The following FAM47E variants were observed in gnomAD, a reference collection of about 807,000 sequenced individuals.
The protein encoded by FAM47E is family with sequence similarity 47 member E, also known as protein FAM47E.
Under a neutral mutation model 41.6 loss-of-function variants are expected in FAM47E, and 32 were observed. The ratio of observed to expected loss-of-function variants is 0.77; its 90% CI spans 0.58 to 1.03. The LOEUF is 1.03. Among genes scored for constraint, FAM47E ranks in the 50% least tolerant of loss-of-function variants. The pLI, the probability that FAM47E is intolerant of heterozygous loss-of-function variation, is 0.00. For synonymous variants in FAM47E, 184 were observed against 188.7 expected (o/e 0.98, Z 0.20); for missense variants, 424 against 485.4 (o/e 0.87, Z 1.19).
At chr4:76,248,940 C>A (rs1438115658), upstream of FAM47E, among the ~76,000 whole-genome samples, 1 of 152,042 alleles carries the variant, frequency 6.6e-6, no homozygotes, top group Non-Finnish European at 1.5e-5. Flanking sequence ...CCATTTCATT[C>A]CCAAAAGGAT....
chr4:76,250,779 AACTC>A (rs1465619317), upstream of FAM47E, among the ~76,000 whole-genome samples: 2 of 152,184 alleles, frequency 1.3e-5, no homozygotes, highest in Non-Finnish European at 2.9e-5. Flanking sequence ...TCCATTAACT[AACTC>A]ACAACAGCTC....
In FAM47E at chr4:76,268,781, G is replaced by C; in HGVS notation, c.669+13G>C. 6.4e-7 allele frequency: 1 copy of C among 1,550,888 alleles called. No homozygotes were observed. The highest frequency in any genetic ancestry group is 8.7e-7 in the Non-Finnish European group (1 of 1,146,716). ...TCTTCATGAAAATGTATGCAAAGCA[G>C]TTAGTGACTTCTGCAAGTGGGTTAC... On this transcript the variant is annotated intron_variant, in intron 4 of 7. Coordinates refer to ENST00000424749, the MANE Select transcript of FAM47E (RefSeq NM_001136570.3).
intron 2 of FAM47E, among the ~76,000 whole-genome samples, chr4:76,232,613 C>T (rs1307499804): frequency 6.6e-6 from 1 of 152,056 alleles, no homozygotes; most frequent in African/African-American, 2.4e-5. Flanking sequence ...AGTTTTGGAA[C>T]ATGTATTAAT....
At chr4:76,281,629 T>G (rs1043234531) in intron 7 of FAM47E, 2 of 152,198 alleles carry the variant, frequency 1.3e-5, no homozygotes, top group African/African-American at 4.8e-5. Flanking sequence ...TTGTGGCTCA[T>G]TTTTGTATCT....
Position 76,278,125 on chromosome 4 carries a change from C to T in FAM47E, c.927C>T (p.Pro309=), listed in dbSNP as rs1429226968. ...KMRYGAWYLN[P]KLWKKQRVDE... ...GGTATGGAGCATGGTATTTGAACCC[C>T]AAGTTGTGGAAAAAGCAAAGAGTAG... Residue 309 remains proline, a synonymous_variant, in exon 6 of 8, where the codon CCC becomes CCT. Coordinates refer to ENST00000424749, the MANE Select transcript of FAM47E (RefSeq NM_001136570.3). 1 of 1,550,812 alleles carries T rather than the reference C, an allele frequency of 6.4e-7. No individual in the cohort carries two copies. The highest frequency in any genetic ancestry group is 8.7e-7 in the Non-Finnish European group (1 of 1,146,724).
At chr4:76,262,673 TTTTG>T (rs1396240162) in intron 2 of FAM47E, among the ~76,000 whole-genome samples, 2 of 152,212 alleles carry the variant, frequency 1.3e-5, no homozygotes, top group African/African-American at 4.8e-5. Context: ...AGATGTCCTT[TTTTG>T]TTCATCTGTA....
At chr4:76,278,264 A>T in intron 6 of FAM47E, 40 bp downstream of exon 6, 3 of 1,451,256 alleles carry the variant, frequency 2.1e-6, no homozygotes, top group Non-Finnish European at 2.7e-6. Context: ...TGAGCTTCAG[A>T]TGATCACAGT....
intron 1 of FAM47E, 142 bp downstream of exon 1, chr4:76,251,962 A>C: frequency 8.8e-7 from 1 of 1,141,680 alleles, no homozygotes; most frequent in Non-Finnish European, 1.1e-6. Flanking sequence ...CGTACAACAT[A>C]ATACGCTGAG....
rs928770639 is a variant in FAM47E at position 76,256,479 on chromosome 4, C to A, written c.376C>A (p.Pro126Thr). The change falls in exon 2 of 8, where the codon CCC becomes ACC. Residue 126 changes from proline (P) to threonine (T), a missense_variant. Pro to Thr is a conservative substitution (Grantham distance 38, BLOSUM62 -1). Coordinates refer to ENST00000424749, the MANE Select transcript of FAM47E (RefSeq NM_001136570.3). ...EDVEAHLTPH[P>T]LALYLNLEEA... ...CGTGGAGGCCCACCTGACCCCACATCCCTTAGCGCTCTACCTGAATCTGGA... is the reference window on the plus strand; with the variant it reads ...CGTGGAGGCCCACCTGACCCCACATACCTTAGCGCTCTACCTGAATCTGGA... 22 of 1,551,470 alleles carry A rather than the reference C, an allele frequency of 1.4e-5. No individual in the cohort carries two copies. Among genetic ancestry groups the A allele is most frequent in the Non-Finnish European group, 1.9e-5 (22 of 1,146,950 alleles).
chr4:76,245,471 T>C (rs7670989), intron 2 of FAM47E, among the ~76,000 whole-genome samples: 1 of 152,030 alleles, frequency 6.6e-6, no homozygotes, highest in East Asian at 1.9e-4. Flanking sequence ...TAGATGCCTC[T>C]ATAAATAGGA....
At chr4:76,225,575 T>C (rs1293227758) in intron 2 of FAM47E, among the ~76,000 whole-genome samples, 3 of 152,358 alleles carry the variant, frequency 2.0e-5, no homozygotes, top group Middle Eastern at 3.4e-3. Context: ...ATTTCGATTT[T>C]ACCAGGGGTT....
chr4:76,261,386 C>A (rs1490882173), intron 2 of FAM47E, among the ~76,000 whole-genome samples: 5 of 152,138 alleles, frequency 3.3e-5, no homozygotes. Flanking sequence ...ATGTTTATCA[C>A]AACACTATCA....
intron 2 of FAM47E, among the ~76,000 whole-genome samples, chr4:76,244,888 C>T (rs1306045434): frequency 6.6e-6 from 1 of 152,154 alleles, no homozygotes; most frequent in Non-Finnish European, 1.5e-5. Flanking sequence ...ATAAGAGGTA[C>T]ATTTTTGTTT....
chr4:76,247,910 C>CTTTT (rs753751295), upstream of FAM47E, among the ~76,000 whole-genome samples: 28,357 of 86,406 alleles, frequency 0.33, 6,827 homozygotes, highest in Non-Finnish European at 0.43. Context: ...CACTCTCTCT[C>CTTTT]TTTTTTTTTT....
chr4:76,244,982 T>G (rs1420529399), intron 2 of FAM47E, among the ~76,000 whole-genome samples: 1 of 152,242 alleles, frequency 6.6e-6, no homozygotes, highest in African/African-American at 2.4e-5. Flanking sequence ...TTTAAAAGTC[T>G]AATCATGTTG....
At chr4:76,227,114 C>T (rs942667723) in intron 2 of FAM47E, among the ~76,000 whole-genome samples, 2 of 151,948 alleles carry the variant, frequency 1.3e-5, no homozygotes, top group Non-Finnish European at 2.9e-5. Context: ...GAGGTGTGAC[C>T]TTAGAGTGTC....
At chr4:76,215,064 A>T (rs887714893) in intron 1 of FAM47E, among the ~76,000 whole-genome samples, 4 of 152,260 alleles carry the variant, frequency 2.6e-5, no homozygotes, top group African/African-American at 4.8e-5. Flanking sequence ...GGCCCGCCTT[A>T]GTATCCCTGC....
chr4:76,215,281 G>A (rs774371157), intron 1 of FAM47E, among the ~76,000 whole-genome samples: 1 of 152,180 alleles, frequency 6.6e-6, no homozygotes, highest in Non-Finnish European at 1.5e-5. Context: ...AGAACACTGG[G>A]GCTCTGAGTT....
At chr4:76,215,656 C>G (rs1169942803) in intron 1 of FAM47E, among the ~76,000 whole-genome samples, 1 of 152,148 alleles carries the variant, frequency 6.6e-6, no homozygotes, top group Non-Finnish European at 1.5e-5. Context: ...TGCCTTGCAA[C>G]TTCTGCTGGG....
Sources: allele counts gnomAD v4.1 joint callset (sites outside exome capture counted in the v4.1 genomes callset), GRCh38; gene constraint gnomAD v4.1.1; transcripts MANE v1.5; gene names NCBI Gene and HGNC (gene_info 2026-07-23, HGNC 2026-07-21).